The following PCDH15 variants were observed in gnomAD, a reference collection of about 807,000 sequenced individuals.
PCDH15 encodes protocadherin related 15, also known as protocadherin-15.
A neutral mutation model predicts 178.5 loss-of-function variants in PCDH15; 129 were observed. The ratio of observed to expected loss-of-function variants is 0.72; its 90% confidence interval spans 0.63 to 0.84. PCDH15 has a LOEUF of 0.84. Among genes scored for constraint, PCDH15 ranks in the 40% least tolerant of loss-of-function variants. The pLI, the probability that PCDH15 is intolerant of heterozygous loss-of-function variation, is 0.00. For synonymous variants in PCDH15, 800 were observed against 732.0 expected (o/e 1.09, Z -1.50); for missense variants, 2,230 against 2,099.9 (o/e 1.06, Z -1.21).
At chr10:53,820,991 G>C (rs2132469231) in intron 32 of PCDH15, 1 of 560,304 alleles carries the variant, frequency 1.8e-6, no homozygotes, top group Admixed American at 6.4e-5. Context: ...CTTTAAAAAG[G>C]AATCTTATGA....
intron 3 of PCDH15, among the ~76,000 whole-genome samples, chr10:54,412,384 A>C (rs1953665538): frequency 1.3e-5 from 2 of 151,996 alleles, no homozygotes; most frequent in African/African-American, 4.8e-5. Flanking sequence ...TTCACAAAAG[A>C]AGTTGATCTT....
At chr10:54,611,895 G>T (rs575341703) in intron 2 of PCDH15, among the ~76,000 whole-genome samples, 1 of 151,930 alleles carries the variant, frequency 6.6e-6, no homozygotes, top group Non-Finnish European at 1.5e-5. Flanking sequence ...TTGTATGATT[G>T]TATGAATGAT....
chr10:54,195,859 C>T lies in PCDH15; in HGVS notation c.1129G>A (p.Ala377Thr). The T allele has an allele frequency of 1.2e-6, 2 of 1,613,720 alleles. No homozygotes were observed. The highest frequency in any genetic ancestry group is 8.5e-7 in the Non-Finnish European group (1 of 1,179,812). Residue 377 changes from alanine (A) to threonine (T), a missense_variant, in exon 11 of 38, where the codon GCC (alanine) becomes ACC (threonine). By Grantham distance (58) the Ala-to-Thr change is moderately conservative. Transcript: ENST00000644397. The part of the protein sequence containing the change: ...AEQDNGHPLP[A>T]FAGLHIEILD... ...ATTTCAATGTGTAGACCGGCAAAGG[C>T]AGGAAGAGGATGACCATTGTCTTGT...
intron 1 of PCDH15, among the ~76,000 whole-genome samples, chr10:55,257,902 A>T (rs1210151773): frequency 6.6e-6 from 1 of 152,132 alleles, no homozygotes; most frequent in African/African-American, 2.4e-5. Context: ...GAGAAGAGCA[A>T]CTCCAAGACA....
chr10:54,419,757 T>C (rs1338792472), intron 3 of PCDH15, among the ~76,000 whole-genome samples: 1 of 152,104 alleles, frequency 6.6e-6, no homozygotes, highest in Non-Finnish European at 1.5e-5. Flanking sequence ...TTTATCCTTC[T>C]GGGAATAATC....
At chr10:55,499,892 T>G (rs1840617875) in intron 2 of PCDH15, among the ~76,000 whole-genome samples, 1 of 151,756 alleles carries the variant, frequency 6.6e-6, no homozygotes, top group South Asian at 2.1e-4. Context: ...AAAGATGTTT[T>G]TGAAATCTAC....
At chr10:54,082,453 T>C (rs2094449246) in intron 16 of PCDH15, among the ~76,000 whole-genome samples, 1 of 152,136 alleles carries the variant, frequency 6.6e-6, no homozygotes, top group Non-Finnish European at 1.5e-5. Context: ...TCTACAGTCA[T>C]CTGATTTTCA....
chr10:55,378,838 C>G lies in PCDH15; in HGVS notation c.-155-212187G>C, dbSNP rs75476534. 9.0e-3 allele frequency among the ~76,000 whole-genome samples: 1,369 copies of G among 151,350 alleles called. 26 individuals carry two copies. Among genetic ancestry groups the G allele is most frequent in the African/African-American group, 0.032 (1,320 of 41,162 alleles). On this transcript the variant is annotated intron_variant, in intron 2 of 5. Transcript: ENST00000613346. ...CTTTTTCTCACTCTCTTTTCTCTTT[C>G]TCTTTTCCCTCTCTTCCTTTCTTTG... is the stretch of plus-strand genomic sequence containing the variant.
intron 20 of PCDH15, among the ~76,000 whole-genome samples, chr10:53,998,019 G>T (rs1480122352): frequency 6.6e-6 from 1 of 152,094 alleles, no homozygotes; most frequent in African/African-American, 2.4e-5. Flanking sequence ...ATAGTTCACT[G>T]TATTTATGCT....
At chr10:55,193,740 T>C (rs1420700573) in intron 1 of PCDH15, among the ~76,000 whole-genome samples, 1 of 151,940 alleles carries the variant, frequency 6.6e-6, no homozygotes, top group Non-Finnish European at 1.5e-5. Context: ...GTCTTAAATA[T>C]TCATGATGAG....
chr10:55,450,330 T>G (rs1018621390), intron 2 of PCDH15, among the ~76,000 whole-genome samples: 1 of 152,164 alleles, frequency 6.6e-6, no homozygotes, highest in Non-Finnish European at 1.5e-5. Flanking sequence ...TGGTCAGTGA[T>G]GAGAGGCACT....
intron 18 of PCDH15, among the ~76,000 whole-genome samples, chr10:54,050,852 C>T (rs2610889): frequency 0.21 from 31,816 of 152,010 alleles, 3,512 homozygotes; most frequent in Non-Finnish European, 0.23. Context: ...CCCATAATCC[C>T]TACATGTCAT....
chr10:54,717,444 G>A lies in PCDH15; in HGVS notation c.-28-53154C>T, dbSNP rs1280080698. 1.9e-4 allele frequency among the ~76,000 whole-genome samples: 27 copies of A among 143,980 alleles called. 1 individual carries two copies. The Admixed American group carries it at 1.9e-3, about 10-fold the overall frequency. 94.5% of individuals were successfully genotyped at this position (143,980 alleles called of 152,430 possible). On this transcript the variant is annotated intron_variant, in intron 1 of 37. Coordinates refer to ENST00000644397, the MANE Select transcript of PCDH15 (RefSeq NM_001384140.1). ...AAACAAACAACCCCATCAAAAAGTG[G>A]GCAAAGGACATGAACAGACACTTCC...
chr10:55,317,295 T>C (rs911772054), intron 1 of PCDH15, among the ~76,000 whole-genome samples: 8 of 152,322 alleles, frequency 5.3e-5, no homozygotes, highest in African/African-American at 1.9e-4. Flanking sequence ...TGTTACTTTA[T>C]TATTAAATTA....
chr10:54,903,241 C>A (rs1208370416), intron 2 of PCDH15, among the ~76,000 whole-genome samples: 1 of 150,412 alleles, frequency 6.6e-6, no homozygotes, highest in East Asian at 2.0e-4. Context: ...GTGGCTACAT[C>A]ACTAAACAAT....
At chr10:54,046,321 G>A (rs760187989) in intron 18 of PCDH15, among the ~76,000 whole-genome samples, 15 of 152,206 alleles carry the variant, frequency 9.9e-5, no homozygotes, top group Admixed American at 2.0e-4. Flanking sequence ...GCACATGAGC[G>A]CCAGGAGAAA....
chr10:54,316,089 T>C (rs1161497299), intron 8 of PCDH15, among the ~76,000 whole-genome samples: 1 of 151,162 alleles, frequency 6.6e-6, no homozygotes, highest in Non-Finnish European at 1.5e-5. Flanking sequence ...CCTGCAAAAA[T>C]ACTTCATTTG....
At chr10:55,232,032 T>C (rs1164970957) in intron 1 of PCDH15, among the ~76,000 whole-genome samples, 1 of 152,024 alleles carries the variant, frequency 6.6e-6, no homozygotes, top group East Asian at 1.9e-4. Context: ...AATGTAGTTA[T>C]ATAATTTGAA....
intron 2 of PCDH15, among the ~76,000 whole-genome samples, chr10:54,544,733 A>G (rs1349069740): frequency 6.6e-6 from 1 of 152,192 alleles, no homozygotes; most frequent in African/African-American, 2.4e-5. Context: ...CTAACGGCAT[A>G]CACGCAATGG....
Sources: gnomAD v4.1 joint callset for allele counts (sites outside exome capture counted in the v4.1 genomes callset) on GRCh38, gnomAD v4.1.1 for gene constraint, MANE v1.5 for transcripts, NCBI Gene and HGNC (gene_info 2026-07-23, HGNC 2026-07-21) for gene names.